CSMD1: variants seen among roughly 807,000 people sequenced by gnomAD.
The protein encoded by CSMD1 is CUB and Sushi multiple domains 1.
CSMD1 carries 213 observed loss-of-function variants against 417.5 expected under a neutral mutation model. The ratio of observed to expected loss-of-function variants is 0.51; its 90% confidence interval spans 0.46 to 0.57. The LOEUF is 0.57. Among genes scored for constraint, CSMD1 ranks in the 20% least tolerant of loss-of-function variants. CSMD1 has a pLI of 0.00. For synonymous variants in CSMD1, 2,862 were observed against 1,736.8 expected (o/e 1.65, Z -16.11); for missense variants, 6,923 against 4,529.7 (o/e 1.53, Z -15.17).
chr8:3,459,776 G>C (rs1467008343), intron 12 of CSMD1, among the ~76,000 whole-genome samples: 3 of 152,086 alleles, frequency 2.0e-5, no homozygotes, highest in Non-Finnish European at 1.5e-5. Context: ...TTTGGGTCCA[G>C]GAATCAGAGC....
chr8:3,732,292 C>A (rs541489355), intron 6 of CSMD1, among the ~76,000 whole-genome samples: 47 of 152,302 alleles, frequency 3.1e-4, no homozygotes, highest in African/African-American at 1.0e-3. Flanking sequence ...GGCTTAAAAT[C>A]TTTCCGCTAA....
At chr8:4,042,015 C>G (rs942420225) in intron 3 of CSMD1, among the ~76,000 whole-genome samples, 8 of 151,734 alleles carry the variant, frequency 5.3e-5, no homozygotes, top group Admixed American at 3.9e-4. Context: ...ACTAAGAGCA[C>G]AGAGAATCAA....
chr8:3,061,245 C>T (rs971289097), intron 49 of CSMD1, among the ~76,000 whole-genome samples: 2 of 152,066 alleles, frequency 1.3e-5, no homozygotes, highest in African/African-American at 4.8e-5. Flanking sequence ...GACAGATGTA[C>T]AGTTTACAAA....
At chr8:4,017,956 T>C (rs1466575267) in intron 4 of CSMD1, among the ~76,000 whole-genome samples, 1 of 152,190 alleles carries the variant, frequency 6.6e-6, no homozygotes, top group African/African-American at 2.4e-5. Flanking sequence ...TGGGCAACTA[T>C]AGCGGCATGC....
chr8:4,498,479 A>C (rs1802088430), intron 2 of CSMD1, among the ~76,000 whole-genome samples: 1 of 152,194 alleles, frequency 6.6e-6, no homozygotes, highest in African/African-American at 2.4e-5. Context: ...TTTAGTTCAA[A>C]CTTTTAATTT....
chr8:3,640,626 C>T lies in CSMD1; in HGVS notation c.1010-23829G>A, dbSNP rs978707289. On this transcript the variant is annotated intron_variant, in intron 7 of 69. Transcript: ENST00000635120. ...CAAAGGTGGTCTCTGAGACCTCAGT[C>T]GTCCTGCTACGTAAATTAGATATTC... Among the ~76,000 whole-genome samples the T allele has an allele frequency of 3.3e-5, 5 of 152,302 alleles. No homozygotes were observed. In the South Asian group the frequency reaches 6.2e-4, roughly 19 times the overall value.
At chr8:3,054,629 A>G (rs1585238068) in intron 49 of CSMD1, among the ~76,000 whole-genome samples, 1 of 152,000 alleles carries the variant, frequency 6.6e-6, no homozygotes, top group East Asian at 1.9e-4. Context: ...AAAACAAACA[A>G]AAAACACATG....
At chr8:4,449,564 T>C (rs1799009220) in intron 2 of CSMD1, among the ~76,000 whole-genome samples, 1 of 152,332 alleles carries the variant, frequency 6.6e-6, no homozygotes, top group Admixed American at 6.5e-5. Flanking sequence ...AATGGACTCA[T>C]CTAATTATTT....
chr8:4,628,023 C>G (rs1010818911), intron 2 of CSMD1, among the ~76,000 whole-genome samples: 5 of 151,938 alleles, frequency 3.3e-5, no homozygotes, highest in African/African-American at 9.7e-5. Context: ...GATACTGCCA[C>G]TGTTCCCTGG....
At chr8:3,298,638 G>C (rs1005949390) in intron 25 of CSMD1, among the ~76,000 whole-genome samples, 4 of 152,174 alleles carry the variant, frequency 2.6e-5, no homozygotes, top group Non-Finnish European at 5.9e-5. Flanking sequence ...ATTTTTAATA[G>C]AGACGGAGTT....
At position 2,942,555 on chromosome 8, in the gene CSMD1, G is replaced by A. The variant is rs1444299488; in HGVS notation, c.10452C>T (p.Ser3484=). Residue 3484 remains serine (S), a synonymous_variant, in exon 69 of 70, where the codon AGC becomes AGT. Coordinates refer to ENST00000635120, the MANE Select transcript of CSMD1 (RefSeq NM_033225.6). ...QDSSSHYHGT[S]SGSVAAAILV... is the part of the protein sequence containing the mutation. ...GAATGGCAGCCGCCACAGAGCCACT[G>A]CTGGTGCCGTGGTAATGACTGGAAG... The A allele has an allele frequency of 1.9e-6, 3 of 1,608,414 alleles. No individual in the cohort carries two copies. Among genetic ancestry groups the A allele is most frequent in the Non-Finnish European group, 2.5e-6 (3 of 1,176,804 alleles).
At chr8:4,066,987 C>T (rs1426897679) in intron 3 of CSMD1, among the ~76,000 whole-genome samples, 1 of 152,240 alleles carries the variant, frequency 6.6e-6, no homozygotes, top group East Asian at 1.9e-4. Flanking sequence ...TCTAAAGCAA[C>T]TCCACAACTG....
At position 4,032,001 on chromosome 8, in the gene CSMD1, G is replaced by C. The variant is rs1203452755; in HGVS notation, c.514C>G (p.Leu172Val). The part of the protein sequence containing the change: ...NIGDKIRYSC[L>V]PGYILEGHAI... ...TGGCCTTCCAAGATGTAGCCAGGGA[G>C]GCAGCTGTACCGGATTTTGTCTCCT... The change falls in exon 4 of 70, where the codon CTC (leucine) becomes GTC (valine). Residue 172 changes from leucine to valine, a missense_variant. Transcript: ENST00000635120. 2 of 1,613,982 alleles carry C rather than the reference G, an allele frequency of 1.2e-6. No individual in the cohort carries two copies. Among genetic ancestry groups the C allele is most frequent in the Non-Finnish European group, 1.7e-6 (2 of 1,179,880 alleles).
chr8:3,769,594 AAAGTG>A (rs1452194029), intron 5 of CSMD1, among the ~76,000 whole-genome samples: 1 of 152,212 alleles, frequency 6.6e-6, no homozygotes, highest in East Asian at 1.9e-4. Context: ...CGCAGATATA[AAAGTG>A]AAGTATCTAT....
rs149990373 is a variant in CSMD1, at chr8:4,891,555, T to A, written c.85+102777A>T. On this transcript the variant is annotated intron_variant, in intron 1 of 69. Coordinates refer to ENST00000635120, the MANE Select transcript of CSMD1 (RefSeq NM_033225.6). ...TTTTATAGGGAGTTTGCCTTGAAAT[T>A]CCTAGCATCTTGCAATTTATTTTTC... Among the ~76,000 whole-genome samples the A allele has an allele frequency of 2.6e-3, 393 of 152,252 alleles. 8 individuals carry two copies. In the East Asian group the frequency reaches 0.062, roughly 24 times the overall value.
Position 3,343,332 on chromosome 8 carries a change from C to G in CSMD1, c.3593G>C (p.Gly1198Ala). 3 of 1,613,740 alleles carry G rather than the reference C, an allele frequency of 1.9e-6. No homozygotes were observed. The highest frequency in any genetic ancestry group is 2.5e-6 in the Non-Finnish European group (3 of 1,179,714). ...NHLWLEFNTN[G>A]SDTDQGFQLT... is the part of the protein sequence containing the mutation. ...TTGAAAACCTTGGTCGGTGTCAGAT[C>G]CATTGGTGTTGAACTCTAGCCACAG... Residue 1198 changes from glycine to alanine, a missense_variant, in exon 23 of 70, where the codon GGA becomes GCA. Transcript: ENST00000635120.
At position 4,236,795 on chromosome 8, in the gene CSMD1, T is replaced by C. The variant is rs149738273; in HGVS notation, c.415+183158A>G. 3.9e-5 allele frequency among the ~76,000 whole-genome samples: 6 copies of C among 152,322 alleles called. No homozygotes were observed. In the East Asian group the frequency reaches 9.6e-4, roughly 24 times the overall value. On this transcript the variant is annotated intron_variant, in intron 3 of 69. Coordinates refer to ENST00000635120, the MANE Select transcript of CSMD1 (RefSeq NM_033225.6). ...TACAAGGTGGGCAATTACTAAATAG[T>C]AGCCCAAATTATTAAGTCTATGTTG... is the stretch of plus-strand genomic sequence containing the variant.
At chr8:4,277,550 T>C (rs969179614) in intron 3 of CSMD1, among the ~76,000 whole-genome samples, 6 of 152,192 alleles carry the variant, frequency 3.9e-5, no homozygotes, top group Non-Finnish European at 8.8e-5. Flanking sequence ...CTTGAAATTA[T>C]AGACATGGAT....
intron 7 of CSMD1, among the ~76,000 whole-genome samples, chr8:3,636,153 G>T (rs560864755): frequency 6.6e-6 from 1 of 152,178 alleles, no homozygotes; most frequent in Admixed American, 6.5e-5. Context: ...TACAACACAG[G>T]GTCAGAATAA....
Sources: gnomAD v4.1 joint callset for allele counts (sites outside exome capture counted in the v4.1 genomes callset) on GRCh38, gnomAD v4.1.1 for gene constraint, MANE v1.5 for transcripts, NCBI Gene and HGNC (gene_info 2026-07-23, HGNC 2026-07-21) for gene names.